The following LARP1B variants were observed in gnomAD, a reference collection of about 807,000 sequenced individuals.
LARP1B encodes La ribonucleoprotein 1B.
LARP1B carries 76 observed loss-of-function variants against 114.2 expected under a neutral mutation model. That is an observed-to-expected ratio of 0.67 (90% CI 0.55 to 0.81). LARP1B has a LOEUF of 0.81. Ranked by LOEUF, LARP1B falls within the 30% of genes least tolerant of loss-of-function variation. The probability of loss-of-function intolerance (pLI) is 0.00; values close to 1 mark genes in which losing one functional copy is unlikely to be tolerated. For synonymous variants in LARP1B, 345 were observed against 348.0 expected (o/e 0.99, Z 0.10); for missense variants, 1,014 against 1,075.8 (o/e 0.94, Z 0.80).
intron 15 of LARP1B, among the ~76,000 whole-genome samples, chr4:128,194,874 A>C: frequency 6.6e-6 from 1 of 151,820 alleles, no homozygotes; most frequent in East Asian, 1.9e-4. Flanking sequence ...CGCAAAAAAA[A>C]AAAAGTTTTC....
At chr4:128,140,259 T>A (rs1727420890) in intron 11 of LARP1B, among the ~76,000 whole-genome samples, 1 of 152,190 alleles carries the variant, frequency 6.6e-6, no homozygotes, top group Non-Finnish European at 1.5e-5. Flanking sequence ...GAATAATTCA[T>A]TATAGTCACA....
chr4:128,157,989 G>A (rs1242820605), intron 11 of LARP1B, among the ~76,000 whole-genome samples: 1 of 152,008 alleles, frequency 6.6e-6, no homozygotes, highest in African/African-American at 2.4e-5. Context: ...AATAAATAGT[G>A]GCAATAAACA....
intron 10 of LARP1B, 94 bp downstream of exon 10, chr4:128,114,836 G>A: frequency 8.5e-7 from 1 of 1,173,542 alleles, no homozygotes; most frequent in Non-Finnish European, 1.2e-6. Flanking sequence ...TGTAAAATTT[G>A]GAAAAGTTTA....
rs1770781699 is a variant in LARP1B at position 128,082,221 on chromosome 4, G to C, written c.274G>C (p.Glu92Gln). 5.0e-6 allele frequency: 8 copies of C among 1,613,030 alleles called. No individual in the cohort carries two copies. Among genetic ancestry groups the C allele is most frequent in the Non-Finnish European group, 6.8e-6 (8 of 1,179,848 alleles). Reference protein sequence around the residue: ...HLDVVRSESQERPGSRNSSRC... With the variant: ...HLDVVRSESQQRPGSRNSSRC... ...AGATGTTGTAAGATCAGAGAGTCAAGAAAGACCTGGATCCCGGAACAGCTC... is the reference window on the plus strand; with the variant it reads ...AGATGTTGTAAGATCAGAGAGTCAACAAAGACCTGGATCCCGGAACAGCTC... Residue 92 changes from glutamate to glutamine, a missense_variant, in exon 5 of 20, where the codon GAA becomes CAA. Glu to Gln is a conservative substitution (Grantham distance 29). Coordinates refer to ENST00000326639, the MANE Select transcript of LARP1B (RefSeq NM_018078.4).
intron 8 of LARP1B, among the ~76,000 whole-genome samples, chr4:128,103,279 T>C (rs779346398): frequency 6.6e-6 from 1 of 152,224 alleles, no homozygotes; most frequent in Non-Finnish European, 1.5e-5. Context: ...TTATGTGTTC[T>C]TCATTTCCCT....
chr4:128,136,225 G>A (rs978325689), intron 11 of LARP1B, among the ~76,000 whole-genome samples: 1 of 151,886 alleles, frequency 6.6e-6, no homozygotes, highest in Non-Finnish European at 1.5e-5. Flanking sequence ...CCCAGGAAGT[G>A]GAGGTGGCAG....
intron 11 of LARP1B, among the ~76,000 whole-genome samples, chr4:128,127,608 T>C (rs1219979456): frequency 6.6e-6 from 1 of 151,994 alleles, no homozygotes. Flanking sequence ...CCGAGGTGGG[T>C]GTATTACCTG....
At chr4:128,201,636 G>A (rs1339603016) in intron 17 of LARP1B, among the ~76,000 whole-genome samples, 3 of 152,090 alleles carry the variant, frequency 2.0e-5, no homozygotes, top group Admixed American at 6.6e-5. Context: ...ACTTCTCTTC[G>A]TCCTCCCTGT....
intron 11 of LARP1B, chr4:128,155,355 G>A (rs1734994461): frequency 1.1e-5 from 6 of 544,848 alleles, no homozygotes; most frequent in South Asian, 2.1e-5. Flanking sequence ...GGAAGCCAGC[G>A]GCCGTGGACC....
intron 7 of LARP1B, 111 bp from the exon 8 acceptor site, chr4:128,098,075 C>T (rs1778729811): frequency 1.2e-6 from 1 of 848,488 alleles, no homozygotes; most frequent in East Asian, 2.7e-5. Flanking sequence ...TATTGTTAAC[C>T]AAATTACAAT....
chr4:128,144,237 T>TC (rs1053534364), intron 11 of LARP1B, among the ~76,000 whole-genome samples: 5 of 152,296 alleles, frequency 3.3e-5, no homozygotes, highest in African/African-American at 1.2e-4. Context: ...TGTGTTGTTT[T>TC]CCCCTCTGGC....
chr4:128,164,083 T>A (rs1344247208), intron 12 of LARP1B, among the ~76,000 whole-genome samples: 1 of 152,098 alleles, frequency 6.6e-6, no homozygotes, highest in Non-Finnish European at 1.5e-5. Flanking sequence ...TTTCTTTGAT[T>A]TTGTAGTTGT....
At chr4:128,110,564 C>T (rs1180164363) in intron 9 of LARP1B, among the ~76,000 whole-genome samples, 1 of 144,874 alleles carries the variant, frequency 6.9e-6, no homozygotes, top group Non-Finnish European at 1.5e-5. Context: ...GTAGTCCCAG[C>T]TACTTGGGAG....
intron 11 of LARP1B, among the ~76,000 whole-genome samples, chr4:128,129,772 T>C (rs1169032811): frequency 6.7e-6 from 1 of 150,084 alleles, no homozygotes; most frequent in African/African-American, 2.5e-5. Flanking sequence ...GGCAATACAA[T>C]AGAGAAAAGT....
chr4:128,155,765 G>A lies in LARP1B; in HGVS notation c.1525-6429G>A, dbSNP rs1735296423. ...GCTGCGGCCAAGTGTAGGAACTGGA[G>A]GAAGGAACTGACTGACTTCCTGCAG... On this transcript the variant is annotated intron_variant, in intron 11 of 19. Coordinates refer to ENST00000326639, the MANE Select transcript of LARP1B (RefSeq NM_018078.4). The A allele has an allele frequency of 2.5e-6, 4 of 1,603,988 alleles. No individual in the cohort carries two copies. In the Admixed American group the frequency reaches 5.0e-5, roughly 20 times the overall value.
intron 12 of LARP1B, among the ~76,000 whole-genome samples, chr4:128,173,098 C>G (rs954823240): frequency 6.6e-6 from 1 of 151,976 alleles, no homozygotes; most frequent in African/African-American, 2.4e-5. Context: ...ATTGAATACA[C>G]AAAATATAGT....
chr4:128,212,294 G>A (rs1030086593), downstream of LARP1B, among the ~76,000 whole-genome samples: 4 of 152,062 alleles, frequency 2.6e-5, no homozygotes, highest in Non-Finnish European at 2.9e-5. Flanking sequence ...CCGAGTTTAC[G>A]TAGCTAACTG....
At chr4:128,141,769 G>A (rs978634083) in intron 11 of LARP1B, among the ~76,000 whole-genome samples, 9 of 152,198 alleles carry the variant, frequency 5.9e-5, no homozygotes, top group East Asian at 3.9e-4. Flanking sequence ...ACAAGAAAGC[G>A]TACCTCTAGT....
chr4:128,122,449 T>G lies in LARP1B; in HGVS notation c.1524+261T>G, dbSNP rs112651372. 1.1e-3 allele frequency: 1,618 copies of G among 1,513,582 alleles called. 14 individuals are homozygous for G. The African/African-American group carries it at 0.017, about 16-fold the overall frequency. 93.8% of individuals were successfully genotyped at this position (1,513,582 alleles called of 1,614,324 possible). ...TGACTTATACCCTTGTTTTTTTTTT[T>G]TTTTGTTTTGTTTTTTTTTGTTTTT... On this transcript the variant is annotated intron_variant, in intron 11 of 19. Coordinates refer to ENST00000326639, the MANE Select transcript of LARP1B (RefSeq NM_018078.4).
Sources: allele counts gnomAD v4.1 joint callset (sites outside exome capture counted in the v4.1 genomes callset), GRCh38; gene constraint gnomAD v4.1.1; transcripts MANE v1.5; gene names NCBI Gene and HGNC (gene_info 2026-07-23, HGNC 2026-07-21).